NBAS: variants seen among roughly 807,000 people sequenced by gnomAD.
The protein encoded by NBAS is NBAS subunit of NRZ tethering complex, also known as NAG/BC035112 fusion.
NBAS carries 219 observed loss-of-function variants against 302.5 expected under a neutral mutation model. The ratio of observed to expected loss-of-function variants is 0.72; its 90% CI spans 0.65 to 0.81. The LOEUF (loss-of-function observed/expected upper bound fraction) is 0.81. Among genes scored for constraint, NBAS ranks in the 30% least tolerant of loss-of-function variants. The probability of loss-of-function intolerance (pLI) is 0.00; values close to 1 mark genes in which losing one functional copy is unlikely to be tolerated. For synonymous variants in NBAS, 1,118 were observed against 1,021.6 expected (o/e 1.09, Z -1.80); for missense variants, 2,932 against 2,841.6 (o/e 1.03, Z -0.72).
the NBAS span, among the ~76,000 whole-genome samples, chr2:14,909,108 G>A: frequency 3.3e-5 from 5 of 151,956 alleles, no homozygotes; most frequent in African/African-American, 9.7e-5. Context: ...CGAGGCGGGC[G>A]GATCACGAGG....
intron 21 of NBAS, among the ~76,000 whole-genome samples, chr2:15,433,922 G>T (rs10173231): frequency 0.017 from 2,609 of 150,750 alleles, 68 homozygotes; most frequent in African/African-American, 0.06. Flanking sequence ...AACAGAGCAA[G>T]ACCTCATCTC....
chr2:14,993,302 T>C, the NBAS span, among the ~76,000 whole-genome samples: 1 of 152,140 alleles, frequency 6.6e-6, no homozygotes. Context: ...CTCACAATGG[T>C]CCCGTTTATT....
intron 44 of NBAS, among the ~76,000 whole-genome samples, chr2:15,265,999 T>A (rs1419161061): frequency 6.6e-6 from 1 of 152,164 alleles, no homozygotes; most frequent in Admixed American, 6.6e-5. Context: ...ATAACCCCCA[T>A]GTGTCAAGAG....
intron 21 of NBAS, among the ~76,000 whole-genome samples, chr2:15,429,035 C>T (rs1260695504): frequency 1.2e-5 from 1 of 81,736 alleles, no homozygotes; most frequent in Non-Finnish European, 2.7e-5. Flanking sequence ...GATACTCTGT[C>T]TCAAAAAAAA....
the NBAS span, among the ~76,000 whole-genome samples, chr2:15,085,699 C>T: frequency 9.2e-5 from 14 of 152,140 alleles, no homozygotes; most frequent in Non-Finnish European, 1.6e-4. Context: ...CCTACGAAGG[C>T]CCCCCATGCT....
At chr2:15,559,969 G>C (rs1326380391) in intron 1 of NBAS, among the ~76,000 whole-genome samples, 1 of 152,112 alleles carries the variant, frequency 6.6e-6, no homozygotes, top group Non-Finnish European at 1.5e-5. Context: ...AATATATGCA[G>C]ATCTCTACCC....
chr2:15,343,978 A>C (rs1672972838), intron 35 of NBAS, among the ~76,000 whole-genome samples: 1 of 151,546 alleles, frequency 6.6e-6, no homozygotes. Flanking sequence ...AAAAAAAAAA[A>C]AACACTTGAC....
chr2:14,950,365 T>G, the NBAS span, among the ~76,000 whole-genome samples: 1 of 152,178 alleles, frequency 6.6e-6, no homozygotes, highest in Non-Finnish European at 1.5e-5. Flanking sequence ...TGTGGCTGAG[T>G]AGTATTCCAT....
chr2:14,865,916 A>G, the NBAS span, among the ~76,000 whole-genome samples: 1 of 152,164 alleles, frequency 6.6e-6, no homozygotes, highest in Non-Finnish European at 1.5e-5. Flanking sequence ...TCAAGATCCA[A>G]ACTGAAGATC....
the NBAS span, among the ~76,000 whole-genome samples, chr2:14,888,455 C>CTT: frequency 6.9e-6 from 1 of 144,924 alleles, no homozygotes; most frequent in African/African-American, 2.5e-5. Flanking sequence ...CCGGCCCCCC[C>CTT]TTTTTTTTTT....
At chr2:15,282,351 G>T (rs1409160277) in intron 42 of NBAS, among the ~76,000 whole-genome samples, 1 of 152,138 alleles carries the variant, frequency 6.6e-6, no homozygotes, top group African/African-American at 2.4e-5. Context: ...ACAAACCTAT[G>T]TGAACAATAG....
chr2:15,297,569 G>A (rs933970608), intron 40 of NBAS, among the ~76,000 whole-genome samples: 1 of 152,186 alleles, frequency 6.6e-6, no homozygotes, highest in Non-Finnish European at 1.5e-5. Flanking sequence ...GGTAAGATGT[G>A]CTGGCTTCCC....
the NBAS span, among the ~76,000 whole-genome samples, chr2:14,995,315 G>GT: frequency 6.6e-6 from 1 of 152,080 alleles, no homozygotes; most frequent in Non-Finnish European, 1.5e-5. Context: ...GTGGTGTTTG[G>GT]TTTTTTGTCC....
intron 13 of NBAS, among the ~76,000 whole-genome samples, chr2:15,477,387 G>A (rs966921214): frequency 2.0e-5 from 3 of 151,826 alleles, no homozygotes; most frequent in African/African-American, 2.4e-5. Context: ...TCAGCCTCCC[G>A]AGTATCTGGG....
At chr2:15,451,310 C>A (rs1335266527) in intron 21 of NBAS, among the ~76,000 whole-genome samples, 1 of 152,146 alleles carries the variant, frequency 6.6e-6, no homozygotes, top group Non-Finnish European at 1.5e-5. Context: ...CATGGCCTCC[C>A]AAAGTGCTGG....
At chr2:14,856,519 C>G in the NBAS span, among the ~76,000 whole-genome samples, 1 of 151,700 alleles carries the variant, frequency 6.6e-6, no homozygotes, top group Non-Finnish European at 1.5e-5. Flanking sequence ...GAATTCAAAA[C>G]AGCTGTGTTA....
chr2:15,481,123 A>G (rs1680409944), intron 12 of NBAS, among the ~76,000 whole-genome samples: 1 of 152,206 alleles, frequency 6.6e-6, no homozygotes, highest in Non-Finnish European at 1.5e-5. Context: ...TAATATTCTC[A>G]AAGTCCTTCC....
intron 42 of NBAS, among the ~76,000 whole-genome samples, chr2:15,282,488 T>G (rs1260317498): frequency 6.6e-6 from 1 of 152,124 alleles, no homozygotes; most frequent in Non-Finnish European, 1.5e-5. Context: ...GGGACCAAAA[T>G]AATCCTACTA....
At chr2:15,159,456 C>CAT in the NBAS span, among the ~76,000 whole-genome samples, 1 of 92,390 alleles carries the variant, frequency 1.1e-5, no homozygotes, top group African/African-American at 6.8e-5. Context: ...GAGGGACCAG[C>CAT]ACGTTACAAC....
Sources: gnomAD v4.1 joint callset for allele counts (sites outside exome capture counted in the v4.1 genomes callset) on GRCh38, gnomAD v4.1.1 for gene constraint, MANE v1.5 for transcripts, NCBI Gene and HGNC (gene_info 2026-07-23, HGNC 2026-07-21) for gene names.